The following SMG6 variants were observed in gnomAD, a reference collection of about 807,000 sequenced individuals.
SMG6 encodes telomerase-binding protein EST1A.
A neutral mutation model predicts 142.2 loss-of-function variants in SMG6; 66 were observed. The ratio of observed to expected loss-of-function variants is 0.46; its 90% CI spans 0.38 to 0.57. The LOEUF (loss-of-function observed/expected upper bound fraction) is 0.57. SMG6 is among the 20% of genes least tolerant of loss of function. SMG6 has a pLI of 0.00. For missense variants in SMG6, 1,793 were observed against 1,832.0 expected, an observed-to-expected ratio of 0.98 and a Z score of 0.39; for synonymous variants, 779 against 702.4, an observed-to-expected ratio of 1.11 and a Z score of -1.72.
In SMG6 at chr17:2,085,059, G is replaced by C. The variant is rs1290477275; in HGVS notation, c.3534+666C>G. Among the ~76,000 whole-genome samples the C allele has an allele frequency of 6.6e-6, 1 of 152,172 alleles. No homozygotes were observed. Among genetic ancestry groups the C allele is most frequent in the East Asian group, 1.9e-4 (1 of 5,194 alleles). On this transcript the variant is annotated intron_variant, in intron 14 of 18. Transcript: ENST00000263073. The surrounding 1 kb of genome is among the most constrained non-coding windows in gnomAD (Gnocchi z 4.1). Reference sequence around the variant, plus strand: ...CACAAATAGGCAATGGCAATATATAGGGCAGGGCAACTGCCAGTGGACTAT... The same window carrying C: ...CACAAATAGGCAATGGCAATATATACGGCAGGGCAACTGCCAGTGGACTAT...
At chr17:2,166,624 A>G (rs1049504405) in intron 13 of SMG6, among the ~76,000 whole-genome samples, 1 of 152,096 alleles carries the variant, frequency 6.6e-6, no homozygotes, top group South Asian at 2.1e-4. Flanking sequence ...AACCCTGGCT[A>G]ATTTTTATGT....
chr17:2,231,071 C>G (rs1350836531), intron 10 of SMG6, among the ~76,000 whole-genome samples: 2 of 152,146 alleles, frequency 1.3e-5, no homozygotes, highest in African/African-American at 4.8e-5. Flanking sequence ...TCCTGTACAA[C>G]TGTTCTGACA....
At chr17:2,247,792 G>T (rs953882702) in intron 8 of SMG6, among the ~76,000 whole-genome samples, 2 of 150,218 alleles carry the variant, frequency 1.3e-5, no homozygotes, top group Admixed American at 6.6e-5. Flanking sequence ...GAGAAAAAAA[G>T]AAAAAAGAAA....
chr17:2,236,230 A>T (rs2073647347), intron 10 of SMG6: 2 of 292,362 alleles, frequency 6.8e-6, no homozygotes, highest in South Asian at 1.5e-4. Context: ...GCGTGGCCAG[A>T]TGTGCAACTG....
At chr17:2,120,679 T>C (rs993027864) in intron 13 of SMG6, among the ~76,000 whole-genome samples, 1 of 152,184 alleles carries the variant, frequency 6.6e-6, no homozygotes, top group Non-Finnish European at 1.5e-5. Context: ...GCTGTGATTG[T>C]GCCACTGCTC....
chr17:2,280,578 C>A (rs2074763910), intron 8 of SMG6: 1 of 985,014 alleles, frequency 1.0e-6, no homozygotes, highest in Non-Finnish European at 1.2e-6. Flanking sequence ...CTGCAGATTT[C>A]TTCGAGGGCT....
rs368617843 is a variant in SMG6, at chr17:2,073,936, G to A, written c.3682-5005C>T. Among the ~76,000 whole-genome samples the A allele has an allele frequency of 7.3e-5, 11 of 150,742 alleles. No individual in the cohort carries two copies. In the East Asian group the frequency reaches 1.4e-3, roughly 20 times the overall value. On this transcript the variant is annotated intron_variant, in intron 15 of 18. Transcript: ENST00000263073. ...TCTACTAAAACTACAAAAATCAGCC[G>A]GGGATGGTGGCACATGCCTGTAGTC...
intron 15 of SMG6, among the ~76,000 whole-genome samples, chr17:2,076,606 T>C (rs562080863): frequency 6.6e-6 from 1 of 152,302 alleles, no homozygotes; most frequent in African/African-American, 2.4e-5. Flanking sequence ...ACTCCAGGGT[T>C]CACGCATATG....
chr17:2,261,770 A>G (rs987149050), intron 8 of SMG6, among the ~76,000 whole-genome samples: 3 of 152,212 alleles, frequency 2.0e-5, no homozygotes, highest in Non-Finnish European at 2.9e-5. Flanking sequence ...AATGCAACCC[A>G]TAAGATCTCA....
chr17:2,119,650 C>T (rs775227510), intron 13 of SMG6, among the ~76,000 whole-genome samples: 12 of 152,012 alleles, frequency 7.9e-5, no homozygotes, highest in Admixed American at 2.0e-4. Context: ...CAGGCATGTA[C>T]CACCATGCCC....
chr17:2,128,003 C>T (rs1291919543), intron 13 of SMG6: 5 of 477,746 alleles, frequency 1.0e-5, no homozygotes, highest in Admixed American at 9.9e-5. Flanking sequence ...GAACGAGTGT[C>T]AAAGGAGAGC....
intron 15 of SMG6, 89 bp from the exon 16 acceptor site, chr17:2,069,020 C>T: frequency 7.4e-7 from 1 of 1,356,200 alleles, no homozygotes; most frequent in Non-Finnish European, 1.0e-6. Flanking sequence ...GTGTCAGCAT[C>T]CTGCCCCTAG....
intron 8 of SMG6, chr17:2,255,967 A>C (rs951620723): frequency 2.5e-5 from 5 of 201,076 alleles, no homozygotes; most frequent in Non-Finnish European, 4.9e-5. Context: ...TGCTTTGTTA[A>C]ACAGATGCTT....
rs763414919 is a variant in SMG6 at position 2,292,923 on chromosome 17, C to T, written c.2206G>A (p.Ala736Thr). The T allele has an allele frequency of 3.1e-6, 5 of 1,614,006 alleles. No homozygotes were observed. ...QRCMICQGDI[A>T]RYREQASDTA... ...TCACTGGCTTGCTCCCGGTACCTAG[C>T]AATATCTCCTTGGCATATCATGCAT... is the stretch of plus-strand genomic sequence containing the variant. Residue 736 changes from alanine to threonine, a missense_variant, in exon 5 of 19, where the codon GCT becomes ACT. Ala to Thr is a moderately conservative substitution (Grantham distance 58). Coordinates refer to ENST00000263073, the MANE Select transcript of SMG6 (RefSeq NM_017575.5).
chr17:2,123,033 G>A (rs755828206), intron 13 of SMG6, among the ~76,000 whole-genome samples: 1 of 152,250 alleles, frequency 6.6e-6, no homozygotes, highest in African/African-American at 2.4e-5. Flanking sequence ...CTTAAACACA[G>A]AGGGTGGGGA....
chr17:2,179,595 T>A (rs1006594675), intron 12 of SMG6, among the ~76,000 whole-genome samples: 4 of 146,482 alleles, frequency 2.7e-5, no homozygotes, highest in Admixed American at 6.8e-5. Context: ...TTTTTTTTTT[T>A]AAACAGTACT....
intron 13 of SMG6, among the ~76,000 whole-genome samples, chr17:2,094,320 A>G (rs933603164): frequency 6.6e-6 from 1 of 152,056 alleles, no homozygotes; most frequent in Non-Finnish European, 1.5e-5. Flanking sequence ...GCGAGATATC[A>G]GCTCACTGCA....
chr17:2,276,678 A>G (rs2074656770), intron 8 of SMG6, among the ~76,000 whole-genome samples: 1 of 151,552 alleles, frequency 6.6e-6, no homozygotes, highest in Non-Finnish European at 1.5e-5. Flanking sequence ...AAGCCACTGC[A>G]CCTGGCCTCT....
At chr17:2,217,031 C>T (rs1014938237) in intron 10 of SMG6, among the ~76,000 whole-genome samples, 11 of 152,038 alleles carry the variant, frequency 7.2e-5, no homozygotes, top group East Asian at 1.9e-4. Flanking sequence ...CAATCAGTGG[C>T]GAACACATTA....
Sources: allele counts gnomAD v4.1 joint callset (sites outside exome capture counted in the v4.1 genomes callset), GRCh38; gene constraint gnomAD v4.1.1; non-coding constraint Gnocchi (gnomAD v3.1); transcripts MANE v1.5; gene names NCBI Gene and HGNC (gene_info 2026-07-23, HGNC 2026-07-21).